EXT1: variants seen among roughly 807,000 people sequenced by gnomAD.
EXT1 encodes the protein exostosin-1.
Under a neutral mutation model 82.5 loss-of-function variants are expected in EXT1, and 20 were observed. That is an observed-to-expected ratio of 0.24 (90% CI 0.17 to 0.35). The LOEUF (loss-of-function observed/expected upper bound fraction) is 0.35, where lower values mean the gene tolerates loss of function less well. EXT1 is among the 10% of genes least tolerant of loss of function. The probability of loss-of-function intolerance (pLI) is 1.00; values close to 1 mark genes in which losing one functional copy is unlikely to be tolerated. For missense variants in EXT1, 757 were observed against 936.5 expected, an observed-to-expected ratio of 0.81 and a Z score of 2.50; for synonymous variants, 348 against 350.8, an observed-to-expected ratio of 0.99 and a Z score of 0.09.
intron 1 of EXT1, among the ~76,000 whole-genome samples, chr8:117,929,302 C>A (rs1454056964): frequency 6.6e-6 from 1 of 152,142 alleles, no homozygotes; most frequent in Admixed American, 6.5e-5. Flanking sequence ...AAAAGATGAT[C>A]CACAGGCAGA....
intron 1 of EXT1, among the ~76,000 whole-genome samples, chr8:118,021,647 C>G (rs1244963339): frequency 6.6e-6 from 1 of 152,126 alleles, no homozygotes; most frequent in Non-Finnish European, 1.5e-5. Context: ...AGAATCGTTT[C>G]CCTGTGTGAT....
chr8:117,897,868 G>A (rs1465708715), intron 1 of EXT1, among the ~76,000 whole-genome samples: 3 of 151,966 alleles, frequency 2.0e-5, no homozygotes, highest in African/African-American at 4.8e-5. Context: ...CTCCCAAAAC[G>A]GTCGGATTAT....
At chr8:117,971,061 C>T (rs1030540053) in intron 1 of EXT1, among the ~76,000 whole-genome samples, 2 of 152,236 alleles carry the variant, frequency 1.3e-5, no homozygotes, top group African/African-American at 4.8e-5. Context: ...ATGGAGCTGG[C>T]CTGCCCAAGA....
At chr8:117,851,646 CACACCAT>C (rs1308418198) in intron 1 of EXT1, among the ~76,000 whole-genome samples, 1 of 143,534 alleles carries the variant, frequency 7.0e-6, no homozygotes, top group Non-Finnish European at 1.5e-5. Flanking sequence ...CACACACACA[CACACCAT>C]TATTTAATTT....
chr8:117,937,393 T>TG (rs1472435068), intron 1 of EXT1, among the ~76,000 whole-genome samples: 2 of 152,182 alleles, frequency 1.3e-5, no homozygotes, highest in African/African-American at 4.8e-5. Flanking sequence ...ATCATTAAAA[T>TG]GTCAGCTTCT....
At chr8:117,858,340 A>T (rs761304589) in intron 1 of EXT1, among the ~76,000 whole-genome samples, 15 of 152,156 alleles carry the variant, frequency 9.9e-5, no homozygotes, top group Admixed American at 7.2e-4. Context: ...TGAAAGGAAG[A>T]GTCAATCGTT....
At chr8:118,006,231 G>T (rs933509412) in intron 1 of EXT1, among the ~76,000 whole-genome samples, 1 of 152,126 alleles carries the variant, frequency 6.6e-6, no homozygotes, top group African/African-American at 2.4e-5. Context: ...CTGACCGCAG[G>T]AACTTTCTTC....
At chr8:117,808,546 G>A (rs1049130129) in intron 8 of EXT1, among the ~76,000 whole-genome samples, 7 of 152,158 alleles carry the variant, frequency 4.6e-5, no homozygotes, top group Admixed American at 3.9e-4. Context: ...TCTTATACAC[G>A]CTATGATTCA....
Position 118,110,415 on chromosome 8 carries a change from A to C in EXT1, c.632T>G (p.Ile211Ser), listed in dbSNP as rs747844962. Reference sequence around the variant, plus strand: ...GGCTTTGGCCAGCATCGCCTGGCCGATGTCAAACCCCACGTCCTCGGTGTA... The same window carrying C: ...GGCTTTGGCCAGCATCGCCTGGCCGCTGTCAAACCCCACGTCCTCGGTGTA... Reference protein sequence around the residue: ...PDYTEDVGFDIGQAMLAKASI... With the variant: ...PDYTEDVGFDSGQAMLAKASI... The change falls in exon 1 of 11, where the codon ATC (isoleucine) becomes AGC (serine). Residue 211 changes from isoleucine (I) to serine (S), a missense_variant. Around this residue, in one of 4 missense-constraint regions of EXT1, gnomAD observed 247 missense variants for 330.1 expected, o/e 0.75. Coordinates refer to ENST00000378204, the MANE Select transcript of EXT1 (RefSeq NM_000127.3). 2 of 1,614,082 alleles carry C rather than the reference A, an allele frequency of 1.2e-6. No individual in the cohort carries two copies. Among genetic ancestry groups the C allele is most frequent in the African/African-American group, 2.7e-5 (2 of 74,922 alleles).
chr8:117,939,824 T>C (rs1814239326), intron 1 of EXT1, among the ~76,000 whole-genome samples: 1 of 152,200 alleles, frequency 6.6e-6, no homozygotes, highest in East Asian at 1.9e-4. Context: ...GTCAATTCCT[T>C]GAACGCAAAA....
intron 1 of EXT1, among the ~76,000 whole-genome samples, chr8:117,926,903 A>G (rs1017288723): frequency 6.6e-6 from 1 of 152,212 alleles, no homozygotes; most frequent in East Asian, 1.9e-4. Flanking sequence ...ATTCTACAAA[A>G]AAACTAGCAA....
intron 1 of EXT1, among the ~76,000 whole-genome samples, chr8:118,106,106 C>T (rs2468136): frequency 0.2 from 31,146 of 152,124 alleles, 3,394 homozygotes; most frequent in Admixed American, 0.27. Context: ...AGGATGCCCT[C>T]AGCGGGAGGT....
intron 1 of EXT1, among the ~76,000 whole-genome samples, chr8:117,902,873 T>C (rs17475365): frequency 0.05 from 7,597 of 152,300 alleles, 632 homozygotes; most frequent in African/African-American, 0.17. Flanking sequence ...TGCAAATACA[T>C]CCAACAATCT....
At chr8:117,963,255 G>T (rs73704842) in intron 1 of EXT1, among the ~76,000 whole-genome samples, 1 of 152,070 alleles carries the variant, frequency 6.6e-6, no homozygotes, top group Non-Finnish European at 1.5e-5. Flanking sequence ...TGGTTTTCCC[G>T]ACCAGCTTGC....
intron 1 of EXT1, among the ~76,000 whole-genome samples, chr8:118,070,317 A>C (rs1339439760): frequency 1.3e-5 from 2 of 151,450 alleles, no homozygotes; most frequent in African/African-American, 4.9e-5. Context: ...ATCTACTTAG[A>C]GTAAACATAC....
intron 1 of EXT1, among the ~76,000 whole-genome samples, chr8:117,977,359 C>T (rs907765249): frequency 6.9e-6 from 1 of 144,526 alleles, no homozygotes; most frequent in Non-Finnish European, 1.5e-5. Flanking sequence ...TGCATACCAG[C>T]CTGGGCAATA....
intron 1 of EXT1, among the ~76,000 whole-genome samples, chr8:118,041,343 T>C (rs1383690943): frequency 6.6e-6 from 1 of 152,194 alleles, no homozygotes; most frequent in Non-Finnish European, 1.5e-5. Flanking sequence ...GTCAAATTAC[T>C]CTGCATGTGA....
chr8:117,806,998 C>T (rs958492045), intron 9 of EXT1, among the ~76,000 whole-genome samples: 2 of 152,162 alleles, frequency 1.3e-5, no homozygotes, highest in African/African-American at 4.8e-5. Flanking sequence ...TTCAGACCAA[C>T]TGAAAATGTT....
intron 1 of EXT1, among the ~76,000 whole-genome samples, chr8:117,960,624 T>C (rs137869628): frequency 6.6e-6 from 1 of 152,172 alleles, no homozygotes; most frequent in Non-Finnish European, 1.5e-5. Context: ...TCACCATGCA[T>C]AATAAAGAGA....
Sources: gnomAD v4.1 joint callset for allele counts (sites outside exome capture counted in the v4.1 genomes callset) on GRCh38, gnomAD v4.1.1 for gene constraint, gnomAD v4.1.1 regional missense constraint, MANE v1.5 for transcripts, NCBI Gene and HGNC (gene_info 2026-07-23, HGNC 2026-07-21) for gene names.